The following CTDSPL variants were observed in gnomAD, a reference collection of about 807,000 sequenced individuals.
The protein encoded by CTDSPL is CTD small phosphatase like.
CTDSPL carries 8 observed loss-of-function variants against 30.5 expected under a neutral mutation model. The observed-to-expected ratio is 0.26, with a 90% confidence interval of 0.15 to 0.47. The LOEUF is 0.47. Among genes scored for constraint, CTDSPL ranks in the 20% least tolerant of loss-of-function variants. The probability of loss-of-function intolerance (pLI) is 0.99; values close to 1 mark genes in which losing one functional copy is unlikely to be tolerated. For synonymous variants in CTDSPL, 110 were observed against 137.9 expected, an observed-to-expected ratio of 0.80 and a Z score of 1.42; for missense variants, 248 against 366.1, an observed-to-expected ratio of 0.68 and a Z score of 2.63.
intron 1 of CTDSPL, among the ~76,000 whole-genome samples, chr3:37,937,374 G>A (rs1041485848): frequency 1.3e-5 from 2 of 150,184 alleles, no homozygotes; most frequent in Non-Finnish European, 3.0e-5. Context: ...TCTGGCCTGA[G>A]TGAGTTCTTG....
intron 6 of CTDSPL, 132 bp downstream of exon 6, chr3:37,971,631 G>A (rs1045039598): frequency 5.5e-5 from 41 of 739,180 alleles, no homozygotes; most frequent in Non-Finnish European, 9.1e-5. Context: ...TCCCACCCCA[G>A]ATGGGATGGA....
intron 3 of CTDSPL, among the ~76,000 whole-genome samples, chr3:37,957,411 A>G (rs1030498682): frequency 1.3e-5 from 2 of 152,168 alleles, no homozygotes; most frequent in African/African-American, 4.8e-5. Context: ...CTCTCTGGGA[A>G]GGACCTCCAA....
At chr3:37,886,108 C>T (rs77412449) in intron 1 of CTDSPL, among the ~76,000 whole-genome samples, 2,182 of 152,260 alleles carry the variant, frequency 0.014, 22 homozygotes, top group Non-Finnish European at 0.021. Context: ...ACTGAGCCCC[C>T]AGGGCTGCCT....
chr3:37,932,616 C>T (rs74374863), intron 1 of CTDSPL, among the ~76,000 whole-genome samples: 1,779 of 152,296 alleles, frequency 0.012, 34 homozygotes, highest in African/African-American at 0.04. Flanking sequence ...TAAAACAACA[C>T]GGAGTTGCTG....
chr3:37,971,561 C>T (rs1473823841), intron 6 of CTDSPL, 62 bp downstream of exon 6: 7 of 1,451,734 alleles, frequency 4.8e-6, no homozygotes, highest in Admixed American at 3.6e-5. Context: ...CCACCCCTAC[C>T]CCCAATCTGT....
chr3:37,980,860 A>G lies in CTDSPL; in HGVS notation c.824A>G (p.Asn275Ser), dbSNP rs773211702. 42 of 1,613,894 alleles carry G rather than the reference A, an allele frequency of 2.6e-5. No individual in the cohort carries two copies. In the South Asian group the frequency reaches 2.9e-4, roughly 11 times the overall value. Reference sequence around the variant, plus strand: ...TACAGCATGCTGCACAGACTCTGCAATAGGTAGCCCTGGCCTCTGCCTGCC... The same window carrying G: ...TACAGCATGCTGCACAGACTCTGCAGTAGGTAGCCCTGGCCTCTGCCTGCC... ...DVYSMLHRLC[N>S]R Residue 275 changes from asparagine to serine, a missense_variant, in exon 8 of 8, where the codon AAT (asparagine) becomes AGT (serine). This residue lies in a region of CTDSPL where 84 missense variants were observed against 139.4 expected (regional missense o/e 0.60). Coordinates refer to ENST00000273179, the MANE Select transcript of CTDSPL (RefSeq NM_001008392.2).
chr3:37,905,595 CCT>C (rs1698506024), intron 1 of CTDSPL, among the ~76,000 whole-genome samples: 1 of 152,092 alleles, frequency 6.6e-6, no homozygotes, highest in South Asian at 2.1e-4. Context: ...TCCTTCCCCC[CCT>C]CCCTCCTTGT....
intron 1 of CTDSPL, among the ~76,000 whole-genome samples, chr3:37,889,195 T>C (rs1204748843): frequency 6.6e-6 from 1 of 152,108 alleles, no homozygotes; most frequent in Admixed American, 6.5e-5. Context: ...ATTCATGTAC[T>C]CCCTCCTCAA....
At chr3:37,869,442 A>G (rs1698048743) in intron 1 of CTDSPL, among the ~76,000 whole-genome samples, 1 of 152,098 alleles carries the variant, frequency 6.6e-6, no homozygotes. Context: ...AGACATACAA[A>G]AGATTTTTGA....
intron 1 of CTDSPL, among the ~76,000 whole-genome samples, chr3:37,884,955 G>T (rs550624763): frequency 6.6e-5 from 10 of 152,142 alleles, no homozygotes; most frequent in Non-Finnish European, 1.5e-4. Context: ...ATTTGATGGG[G>T]TGTGGGCAGC....
intron 3 of CTDSPL, among the ~76,000 whole-genome samples, chr3:37,959,434 A>T (rs1429472273): frequency 6.6e-6 from 1 of 152,248 alleles, no homozygotes; most frequent in Non-Finnish European, 1.5e-5. Context: ...CCTTCTAGGC[A>T]GTACCACTTT....
intron 4 of CTDSPL, among the ~76,000 whole-genome samples, chr3:37,965,494 T>C (rs1396624486): frequency 2.0e-5 from 3 of 152,226 alleles, no homozygotes; most frequent in Non-Finnish European, 4.4e-5. Flanking sequence ...AGCAGGTATT[T>C]AGGATTCTGG....
At chr3:37,980,673 C>T (rs1055232247) in intron 7 of CTDSPL, 69 bp from the exon 8 acceptor site, 123 of 1,559,104 alleles carry the variant, frequency 7.9e-5, no homozygotes, top group Non-Finnish European at 8.7e-5. Flanking sequence ...TCCGGGTACC[C>T]GGTTAGGTTA....
chr3:37,863,957 G>A (rs1039863379), intron 1 of CTDSPL, among the ~76,000 whole-genome samples: 1 of 152,338 alleles, frequency 6.6e-6, no homozygotes, highest in East Asian at 1.9e-4. Flanking sequence ...GAGTGCTCCA[G>A]GTAAATCCCC....
chr3:37,952,034 G>A (rs987383718), intron 2 of CTDSPL, among the ~76,000 whole-genome samples: 6 of 152,068 alleles, frequency 3.9e-5, no homozygotes, highest in African/African-American at 1.4e-4. Context: ...GAAAACTGCT[G>A]GGCACGGTGG....
chr3:37,964,784 T>C, intron 4 of CTDSPL, 112 bp downstream of exon 4: 1 of 736,528 alleles, frequency 1.4e-6, no homozygotes, highest in Non-Finnish European at 2.2e-6. Context: ...GTGACTTCAC[T>C]CTTCATGTAG....
At chr3:37,876,818 T>C (rs1269139484) in intron 1 of CTDSPL, among the ~76,000 whole-genome samples, 2 of 151,910 alleles carry the variant, frequency 1.3e-5, no homozygotes, top group Admixed American at 6.6e-5. Context: ...ATAAAATACA[T>C]ATAACATTAA....
At chr3:37,889,698 A>G (rs769246166) in intron 1 of CTDSPL, among the ~76,000 whole-genome samples, 1 of 152,234 alleles carries the variant, frequency 6.6e-6, no homozygotes, top group Admixed American at 6.5e-5. Context: ...AGCCACACCT[A>G]GGCACATTAT....
rs961846946 is a variant in CTDSPL at position 37,975,960 on chromosome 3, C to A, written c.705+66C>A. On this transcript the variant is annotated intron_variant, in intron 7 of 7. Transcript: ENST00000273179. This position sits in a 1 kb window ranked among gnomAD's most constrained non-coding sequence, Gnocchi z 4.9. ...AGCCCTCTGTCTTGCCAGGCAGGTA[C>A]CACTTTTGAGCACCTACACAAGAAG... The A allele has an allele frequency of 7.2e-6, 11 of 1,536,984 alleles. No individual in the cohort carries two copies. The African/African-American group carries it at 1.5e-4, about 21-fold the overall frequency.
Sources: gnomAD v4.1 joint callset for allele counts (sites outside exome capture counted in the v4.1 genomes callset) on GRCh38, gnomAD v4.1.1 for gene constraint, gnomAD v4.1.1 regional missense constraint, Gnocchi (gnomAD v3.1) non-coding constraint, MANE v1.5 for transcripts, NCBI Gene and HGNC (gene_info 2026-07-23, HGNC 2026-07-21) for gene names.